PYGO2: variants seen among roughly 807,000 people sequenced by gnomAD.
PYGO2 encodes the protein pygopus family PHD finger 2.
A neutral mutation model predicts 26.7 loss-of-function variants in PYGO2; 9 were observed. That is an observed-to-expected ratio of 0.34 (90% CI 0.20 to 0.59). PYGO2 has a LOEUF of 0.59. Ranked by LOEUF, PYGO2 falls within the 20% of genes least tolerant of loss-of-function variation. The probability of loss-of-function intolerance (pLI) is 0.84; values close to 1 mark genes in which losing one functional copy is unlikely to be tolerated. For missense variants in PYGO2, 538 were observed against 561.5 expected (o/e 0.96, Z 0.42); for synonymous variants, 236 against 219.0 (o/e 1.08, Z -0.68).
rs781295615 is a variant in PYGO2, at chr1:154,958,861, T to A, written c.1139A>T (p.Asp380Val). ...GATCTCCTTGGTCTTGAGGCAGAGATCGCAGGCCCAGACGGCAGAAGCTTC... is the reference window on the plus strand; with the variant it reads ...GATCTCCTTGGTCTTGAGGCAGAGAACGCAGGCCCAGACGGCAGAAGCTTC... ...TTEASAVWAC[D>V]LCLKTKEIQS... The change falls in exon 3 of 3, where the codon GAT becomes GTT. Residue 380 changes from aspartate to valine, a missense_variant. Transcript: ENST00000368457. 1 of 1,613,954 alleles carries A rather than the reference T, an allele frequency of 6.2e-7. No homozygotes were observed. The highest frequency in any genetic ancestry group is 8.5e-7 in the Non-Finnish European group (1 of 1,180,030).
rs1319989408 is a variant in PYGO2, at chr1:154,961,723, G to A, written c.-147C>T. ...GACGACAGGGAAGCGCCGAGCCGCCGCGCAAACTGCGCGCTCTCTCCAGAC... is the reference window on the plus strand; with the variant it reads ...GACGACAGGGAAGCGCCGAGCCGCCACGCAAACTGCGCGCTCTCTCCAGAC... On this transcript the variant is annotated 5_prime_UTR_variant, in exon 1 of 3. Transcript: ENST00000368457. The A allele has an allele frequency of 9.2e-6, 4 of 434,426 alleles. No homozygotes were observed. Among genetic ancestry groups the A allele is most frequent in the African/African-American group, 6.2e-5 (3 of 48,602 alleles). The allele number at this position is 434,426 out of a possible 1,614,324, so 26.9% of individuals were successfully genotyped here.
rs147055897 is a variant in PYGO2 at position 154,959,549 on chromosome 1, C to G, written c.451G>C (p.Gly151Arg). The change falls in exon 3 of 3, where the codon GGT (glycine) becomes CGT (arginine). Residue 151 changes from glycine (G) to arginine (R), a missense_variant. This residue lies in a region of PYGO2 where 381 missense variants were observed against 336.6 expected (regional missense o/e 1.13). Coordinates refer to ENST00000368457, the MANE Select transcript of PYGO2 (RefSeq NM_138300.4). This position sits in a 1 kb window ranked among gnomAD's most constrained non-coding sequence, Gnocchi z 4.7. Reference sequence around the variant, plus strand: ...TTGCCTGGGGGTGGGTAGCCAGGACCCTGGGGGGGCATGTTGAAAGCAGGG... The same window carrying G: ...TTGCCTGGGGGTGGGTAGCCAGGACGCTGGGGGGGCATGTTGAAAGCAGGG... ...MGPAFNMPPQGPGYPPPGNMN... is the reference protein window; with the variant it reads ...MGPAFNMPPQRPGYPPPGNMN... The G allele has an allele frequency of 8.2e-5, 119 of 1,459,278 alleles. No individual in the cohort carries two copies. The African/African-American group carries it at 1.7e-3, about 20-fold the overall frequency. The allele number at this position is 1,459,278 out of a possible 1,614,324, so 90.4% of individuals were successfully genotyped here.
rs1558042783 is a variant in PYGO2 at position 154,957,522 on chromosome 1, T to C, written c.*1257A>G. 6.6e-6 allele frequency: 1 copy of C among 152,342 alleles called. No individual in the cohort carries two copies. The highest frequency in any genetic ancestry group is 1.5e-5 in the Non-Finnish European group (1 of 68,104). The allele number at this position is 152,342 out of a possible 1,614,324, so 9.4% of individuals were successfully genotyped here. A position where few individuals can be genotyped will look rare whatever the true frequency, so the allele number is the denominator to read the frequency against. On this transcript the variant is annotated 3_prime_UTR_variant, in exon 3 of 3. Transcript: ENST00000368457. ...CCCACCCCATGGAGGAATGTGTGCA[T>C]GAACAGAAAAGGAGAACGAGCAGCG... is the stretch of plus-strand genomic sequence containing the variant.
Position 154,959,380 on chromosome 1 carries a change from C to G in PYGO2, c.620G>C (p.Gly207Ala), listed in dbSNP as rs376822554. 5 of 1,607,692 alleles carry G rather than the reference C, an allele frequency of 3.1e-6. No individual in the cohort carries two copies. The highest frequency in any genetic ancestry group is 1.7e-4 in the Middle Eastern group (1 of 6,016). The change falls in exon 3 of 3, where the codon GGC (glycine) becomes GCC (alanine). Residue 207 changes from glycine to alanine, a missense_variant. Physicochemically the swap from Gly to Ala is moderately conservative, Grantham distance 60. Coordinates refer to ENST00000368457, the MANE Select transcript of PYGO2 (RefSeq NM_138300.4). This position sits in a 1 kb window ranked among gnomAD's most constrained non-coding sequence, Gnocchi z 4.7. Reference protein sequence around the residue: ...TMGQPPRAELGPPSLSQRFAQ... With the variant: ...TMGQPPRAELAPPSLSQRFAQ... ...AAATCGTTGGGACAGAGAAGGTGGGCCCAGCTCTGCTCTGGGAGGCTGTCC... is the reference window on the plus strand; with the variant it reads ...AAATCGTTGGGACAGAGAAGGTGGGGCCAGCTCTGCTCTGGGAGGCTGTCC...
In PYGO2 at chr1:154,959,286, C is replaced by T. The variant is rs746290470; in HGVS notation, c.714G>A (p.Pro238=). 4.4e-6 allele frequency: 7 copies of T among 1,579,128 alleles called. No individual in the cohort carries two copies. Among genetic ancestry groups the T allele is most frequent in the Admixed American group, 3.7e-5 (2 of 53,548 alleles). ...QRPGQGLPSL[P]PNTSPFPGPD... Reference sequence around the variant, plus strand: ...GACCAGGAAAGGGACTTGTGTTAGGCGGCAGGCTGGGGAGCCCCTGACCAG... The same window carrying T: ...GACCAGGAAAGGGACTTGTGTTAGGTGGCAGGCTGGGGAGCCCCTGACCAG... Residue 238 remains proline, a synonymous_variant, in exon 3 of 3, where the codon CCG becomes CCA. Coordinates refer to ENST00000368457, the MANE Select transcript of PYGO2 (RefSeq NM_138300.4). This position sits in a 1 kb window ranked among gnomAD's most constrained non-coding sequence, Gnocchi z 4.7.
In PYGO2 at chr1:154,958,820, G is replaced by A. The variant is rs1655254917; in HGVS notation, c.1180C>T (p.Arg394Cys). 2 of 1,613,918 alleles carry A rather than the reference G, an allele frequency of 1.2e-6. No individual in the cohort carries two copies. Among genetic ancestry groups the A allele is most frequent in the Non-Finnish European group, 1.7e-6 (2 of 1,179,996 alleles). Residue 394 changes from arginine (R) to cysteine (C), a missense_variant, in exon 3 of 3, where the codon CGT becomes TGT. Around this residue, in one of 4 missense-constraint regions of PYGO2, gnomAD observed 72 missense variants for 111.9 expected, o/e 0.64. Coordinates refer to ENST00000368457, the MANE Select transcript of PYGO2 (RefSeq NM_138300.4). ...KTKEIQSVYIREGMGQLVAAN... is the reference protein window; with the variant it reads ...KTKEIQSVYICEGMGQLVAAN... ...GCCACCAGCTGCCCCATGCCCTCAC[G>A]GATGTAGACAGACTGGATCTCCTTG...
chr1:154,961,104 G>C, intron 1 of PYGO2, 78 bp from the exon 2 acceptor site: 1 of 1,373,876 alleles, frequency 7.3e-7, no homozygotes. Context: ...GCCATGCTCT[G>C]AGGAACTCCT....
Position 154,959,368 on chromosome 1 carries a change from A to G in PYGO2, c.632T>C (p.Leu211Pro). The G allele has an allele frequency of 1.9e-6, 3 of 1,610,206 alleles. No homozygotes were observed. The highest frequency in any genetic ancestry group is 1.7e-6 in the Non-Finnish European group (2 of 1,178,280). Residue 211 changes from leucine to proline, a missense_variant, in exon 3 of 3, where the codon CTG becomes CCG. Transcript: ENST00000368457. The surrounding 1 kb of genome is among the most constrained non-coding windows in gnomAD (Gnocchi z 4.7). The part of the protein sequence containing the change: ...PPRAELGPPS[L>P]SQRFAQPGAP... ...CCCTGGCTGAGCAAATCGTTGGGAC[A>G]GAGAAGGTGGGCCCAGCTCTGCTCT...
intron 2 of PYGO2, among the ~76,000 whole-genome samples, chr1:154,960,512 G>A (rs1655319152): frequency 6.6e-6 from 1 of 151,082 alleles, no homozygotes; most frequent in African/African-American, 2.4e-5. Context: ...TTTAAAAACA[G>A]GCAGAACTAG....
Position 154,959,598 on chromosome 1 carries a change from G to A in PYGO2, c.402C>T (p.Pro134=). Residue 134 remains proline, a synonymous_variant, in exon 3 of 3, where the codon CCC becomes CCT. Transcript: ENST00000368457. The surrounding 1 kb of genome is among the most constrained non-coding windows in gnomAD (Gnocchi z 4.7). ...GGPQPLRRQP[P]PFPPNPMGPA... ...GGCCCATAGGATTGGGAGGGAAGGG[G>A]GGTGGCTGTCGACGGAGTGGCTGGG... The A allele has an allele frequency of 1.4e-6, 2 of 1,441,058 alleles. No individual in the cohort carries two copies. Among genetic ancestry groups the A allele is most frequent in the Non-Finnish European group, 1.8e-6 (2 of 1,089,940 alleles). The allele number at this position is 1,441,058 out of a possible 1,614,324, so 89.3% of individuals were successfully genotyped here.
At position 154,959,100 on chromosome 1, in the gene PYGO2, C is replaced by G. The variant is rs774837181; in HGVS notation, c.900G>C (p.Gly300=). The G allele has an allele frequency of 6.2e-7, 1 of 1,609,104 alleles. No individual in the cohort carries two copies. Among genetic ancestry groups the G allele is most frequent in the Non-Finnish European group, 8.5e-7 (1 of 1,177,300 alleles). ...SFPPNSSGRG[G]GTPDANSLAP... is the part of the protein sequence containing the mutation. The stretch of plus-strand genomic sequence containing the variant: ...CCAAGCTGTTGGCATCTGGAGTGCC[C>G]CCACCCCGCCCACTGCTGTTCGGGG... Residue 300 remains glycine, a synonymous_variant, in exon 3 of 3, where the codon GGG becomes GGC. Coordinates refer to ENST00000368457, the MANE Select transcript of PYGO2 (RefSeq NM_138300.4). The surrounding 1 kb of genome is among the most constrained non-coding windows in gnomAD (Gnocchi z 4.7).
chr1:154,959,547 A>C lies in PYGO2; in HGVS notation c.453T>G (p.Gly151=). Residue 151 remains glycine, a synonymous_variant, in exon 3 of 3, where the codon GGT becomes GGG. Coordinates refer to ENST00000368457, the MANE Select transcript of PYGO2 (RefSeq NM_138300.4). The surrounding 1 kb of genome is among the most constrained non-coding windows in gnomAD (Gnocchi z 4.7). ...TGTTGCCTGGGGGTGGGTAGCCAGG[A>C]CCCTGGGGGGGCATGTTGAAAGCAG... ...MGPAFNMPPQ[G]PGYPPPGNMN... is the part of the protein sequence containing the mutation. 6.2e-6 allele frequency: 9 copies of C among 1,447,060 alleles called. No individual in the cohort carries two copies. The highest frequency in any genetic ancestry group is 2.6e-5 in the Admixed American group (1 of 38,134). The allele number at this position is 1,447,060 out of a possible 1,614,324, so 89.6% of individuals were successfully genotyped here.
rs923498837 is a variant in PYGO2 at position 154,961,669 on chromosome 1, GCC to G, written c.-95_-94del. Reference sequence around the variant, plus strand: ...AGAAGGGGTGTCAGGGGCAGCCCAGGCCCCCGAGCTGCAGCAACCACAAAGTG... The same window carrying G: ...AGAAGGGGTGTCAGGGGCAGCCCAGGCCCGAGCTGCAGCAACCACAAAGTG... On this transcript the variant is annotated 5_prime_UTR_variant, in exon 1 of 3. Coordinates refer to ENST00000368457, the MANE Select transcript of PYGO2 (RefSeq NM_138300.4). 2 of 454,536 alleles carry G rather than the reference GCC, an allele frequency of 4.4e-6. No individual in the cohort carries two copies. Among genetic ancestry groups the G allele is most frequent in the African/African-American group, 4.1e-5 (2 of 48,744 alleles). The allele number at this position is 454,536 out of a possible 1,614,324, so 28.2% of individuals were successfully genotyped here.
At position 154,961,467 on chromosome 1, in the gene PYGO2, C is replaced by T; in HGVS notation, c.103+7G>A. 2.0e-6 allele frequency: 3 copies of T among 1,482,568 alleles called. No homozygotes were observed. The highest frequency in any genetic ancestry group is 1.8e-6 in the Non-Finnish European group (2 of 1,121,420). 91.8% of individuals were successfully genotyped at this position (1,482,568 alleles called of 1,614,324 possible). ...TCTTCAGCCCCCGCCCCTCGCAGCG[C>T]GCTCACCGGCCTTGCCCTGCTTCCT... is the stretch of plus-strand genomic sequence containing the variant. On this transcript the variant is annotated splice_region_variant and intron_variant, in intron 1 of 2. Transcript: ENST00000368457.
Position 154,957,511 on chromosome 1 carries a change from G to C in PYGO2, c.*1268C>G, listed in dbSNP as rs1045885171. ...TGCCTGCCTTCCCCACCCCATGGAGGAATGTGTGCATGAACAGAAAAGGAG... is the reference window on the plus strand; with the variant it reads ...TGCCTGCCTTCCCCACCCCATGGAGCAATGTGTGCATGAACAGAAAAGGAG... On this transcript the variant is annotated 3_prime_UTR_variant, in exon 3 of 3. Coordinates refer to ENST00000368457, the MANE Select transcript of PYGO2 (RefSeq NM_138300.4). The C allele has an allele frequency of 1.3e-5, 2 of 152,478 alleles. No individual in the cohort carries two copies. 9.4% of individuals were successfully genotyped at this position (152,478 alleles called of 1,614,324 possible).
intron 2 of PYGO2, among the ~76,000 whole-genome samples, 192 bp downstream of exon 2, chr1:154,960,785 C>T (rs1019040179): frequency 6.6e-6 from 1 of 152,186 alleles, no homozygotes; most frequent in Non-Finnish European, 1.5e-5. Context: ...CGAATCATCT[C>T]TTAGGAGAGG....
intron 2 of PYGO2, among the ~76,000 whole-genome samples, chr1:154,960,758 G>A (rs1571409316): frequency 6.6e-6 from 1 of 152,216 alleles, no homozygotes; most frequent in Non-Finnish European, 1.5e-5. Flanking sequence ...GGAACCCTGC[G>A]TGGTAAGAAC....
rs558762476 is a variant in PYGO2, at chr1:154,957,888, C to T, written c.*891G>A. On this transcript the variant is annotated 3_prime_UTR_variant, in exon 3 of 3. Transcript: ENST00000368457. ...AGCCAGGAAGGCAGGGGAATAAGGGCGCCGAAAGTTGAAGAACACACGGAG... is the reference window on the plus strand; with the variant it reads ...AGCCAGGAAGGCAGGGGAATAAGGGTGCCGAAAGTTGAAGAACACACGGAG... The T allele has an allele frequency of 4.6e-5, 7 of 152,768 alleles. No individual in the cohort carries two copies. Among genetic ancestry groups the T allele is most frequent in the Admixed American group, 3.3e-4 (5 of 15,294 alleles). The allele number at this position is 152,768 out of a possible 1,614,324, so 9.5% of individuals were successfully genotyped here.
chr1:154,959,877 C>A lies in PYGO2; in HGVS notation c.154-31G>T. Reference sequence around the variant, plus strand: ...GAGAAACAGTTGAGGGAAAGAGGGTCATGGAGGGAAACACAGAGCTAAACC... The same window carrying A: ...GAGAAACAGTTGAGGGAAAGAGGGTAATGGAGGGAAACACAGAGCTAAACC... On this transcript the variant is annotated intron_variant, in intron 2 of 2. Transcript: ENST00000368457. The surrounding 1 kb of genome is among the most constrained non-coding windows in gnomAD (Gnocchi z 4.7). The A allele has an allele frequency of 8.1e-7, 1 of 1,238,458 alleles. No homozygotes were observed. Among genetic ancestry groups the A allele is most frequent in the South Asian group, 3.0e-5 (1 of 33,566 alleles). The allele number at this position is 1,238,458 out of a possible 1,614,324, so 76.7% of individuals were successfully genotyped here. A position where few individuals can be genotyped will look rare whatever the true frequency, so the allele number is the denominator to read the frequency against.
Sources: allele counts gnomAD v4.1 joint callset (sites outside exome capture counted in the v4.1 genomes callset), GRCh38; gene constraint gnomAD v4.1.1; regional missense constraint gnomAD v4.1.1; non-coding constraint Gnocchi (gnomAD v3.1); transcripts MANE v1.5; gene names NCBI Gene and HGNC (gene_info 2026-07-23, HGNC 2026-07-21).